FNDC3B: variants seen among roughly 807,000 people sequenced by gnomAD.
The protein encoded by FNDC3B is fibronectin type III domain containing 3B.
In FNDC3B, 12 loss-of-function variants were observed where a neutral mutation model predicts 151.5. That is an observed-to-expected ratio of 0.08 (90% CI 0.05 to 0.13). FNDC3B has a LOEUF of 0.13. FNDC3B is among the 10% of genes least tolerant of loss of function. FNDC3B has a pLI of 1.00. For missense variants in FNDC3B, 1,214 were observed against 1,505.3 expected, an observed-to-expected ratio of 0.81 and a Z score of 3.20; for synonymous variants, 528 against 549.0, an observed-to-expected ratio of 0.96 and a Z score of 0.54.
chr3:172,183,935 C>T (rs996825328), intron 3 of FNDC3B, among the ~76,000 whole-genome samples: 2 of 152,146 alleles, frequency 1.3e-5, no homozygotes, highest in African/African-American at 2.4e-5. Context: ...AACTTTTATT[C>T]ATTTTTACTC....
chr3:172,240,371 A>G (rs1034474571), intron 4 of FNDC3B, among the ~76,000 whole-genome samples: 6 of 152,188 alleles, frequency 3.9e-5, no homozygotes, highest in Non-Finnish European at 5.9e-5. Context: ...ATTTTGTTAC[A>G]TTATGTATCA....
intron 1 of FNDC3B, among the ~76,000 whole-genome samples, chr3:172,074,511 A>C (rs1326966297): frequency 6.6e-6 from 1 of 152,332 alleles, no homozygotes; most frequent in East Asian, 1.9e-4. Context: ...GTGCTTTTGC[A>C]TGTCAGCAGC....
At chr3:172,270,618 A>G (rs1046806645) in intron 6 of FNDC3B, among the ~76,000 whole-genome samples, 2 of 152,130 alleles carry the variant, frequency 1.3e-5, no homozygotes, top group African/African-American at 4.8e-5. Context: ...GCTTCTCTAC[A>G]TATTCTTCAT....
intron 6 of FNDC3B, among the ~76,000 whole-genome samples, chr3:172,279,338 A>G (rs1449341734): frequency 6.6e-5 from 10 of 152,314 alleles, no homozygotes; most frequent in African/African-American, 1.9e-4. Context: ...TCTCCTGTCC[A>G]GCTGGGCACA....
intron 3 of FNDC3B, among the ~76,000 whole-genome samples, chr3:172,181,303 A>C (rs959527933): frequency 2.1e-5 from 3 of 140,730 alleles, no homozygotes; most frequent in South Asian, 2.4e-4. Context: ...CTGAGGTGGG[A>C]GGATCACTGG....
intron 25 of FNDC3B, among the ~76,000 whole-genome samples, chr3:172,386,598 C>A (rs1011459725): frequency 2.0e-5 from 3 of 151,872 alleles, no homozygotes; most frequent in African/African-American, 7.3e-5. Flanking sequence ...AAAAATTAGC[C>A]AGGCATGTTG....
intron 19 of FNDC3B, among the ~76,000 whole-genome samples, chr3:172,345,467 GT>G (rs1386841701): frequency 6.6e-6 from 1 of 152,030 alleles, no homozygotes; most frequent in Non-Finnish European, 1.5e-5. Flanking sequence ...GTTTATTCCT[GT>G]TGTATTAGAA....
chr3:172,359,330 G>A (rs181754878), intron 22 of FNDC3B, among the ~76,000 whole-genome samples: 34 of 152,014 alleles, frequency 2.2e-4, no homozygotes, highest in African/African-American at 7.5e-4. Context: ...TTTCTTTTGT[G>A]TATTAAAGTA....
At chr3:172,272,807 A>C (rs1729262912) in intron 6 of FNDC3B, among the ~76,000 whole-genome samples, 1 of 152,188 alleles carries the variant, frequency 6.6e-6, no homozygotes, top group South Asian at 2.1e-4. Context: ...GTGTCTAAAA[A>C]TCAATCCTGG....
chr3:172,372,100 G>A (rs557013250), intron 23 of FNDC3B, among the ~76,000 whole-genome samples: 8 of 152,260 alleles, frequency 5.3e-5, no homozygotes, highest in South Asian at 2.1e-4. Flanking sequence ...GTTATAGAAC[G>A]CACCATTACC....
rs1239124800 is a variant in FNDC3B, at chr3:172,125,321, A to AAGCCCCAGTCCGGGTCACAGC, written c.112-8146_112-8126dup. Among the ~76,000 whole-genome samples, 432 of 152,222 alleles carry AAGCCCCAGTCCGGGTCACAGC rather than the reference A, an allele frequency of 2.8e-3. 1 individual carries two copies. Among genetic ancestry groups the AAGCCCCAGTCCGGGTCACAGC allele is most frequent in the African/African-American group, 9.8e-3 (407 of 41,494 alleles). On this transcript the variant is annotated intron_variant, in intron 2 of 25. Transcript: ENST00000415807. ...AAGGAGCTGGGAGTGAAATCTTCCG[A>AAGCCCCAGTCCGGGTCACAGC]AGCCCCAGTCCGGGTCACAGCAGCG...
intron 6 of FNDC3B, among the ~76,000 whole-genome samples, chr3:172,253,532 C>G (rs1012052347): frequency 6.6e-6 from 1 of 152,188 alleles, no homozygotes; most frequent in Non-Finnish European, 1.5e-5. Context: ...TTTACTGCGG[C>G]TGACATCTAA....
intron 6 of FNDC3B, among the ~76,000 whole-genome samples, chr3:172,279,484 G>A (rs991241454): frequency 2.0e-5 from 3 of 152,176 alleles, no homozygotes; most frequent in Non-Finnish European, 4.4e-5. Context: ...TTACCTGCCT[G>A]CTGCTTTCTT....
chr3:172,382,550 T>C (rs1004500931), intron 25 of FNDC3B, among the ~76,000 whole-genome samples: 1 of 152,264 alleles, frequency 6.6e-6, no homozygotes, highest in African/African-American at 2.4e-5. Flanking sequence ...CCCATGCCTA[T>C]GTTCCGAATG....
intron 19 of FNDC3B, 67 bp from the exon 20 acceptor site, chr3:172,346,260 T>G: frequency 1.2e-6 from 1 of 848,206 alleles, no homozygotes; most frequent in South Asian, 1.7e-5. Flanking sequence ...AGCTTTTGTA[T>G]GCACACACAT....
At chr3:172,351,975 C>T (rs746206503) in intron 21 of FNDC3B, among the ~76,000 whole-genome samples, 30 of 152,118 alleles carry the variant, frequency 2.0e-4, no homozygotes, top group South Asian at 2.1e-4. Context: ...GGGACTGGGC[C>T]ACCCATCCAA....
intron 23 of FNDC3B, among the ~76,000 whole-genome samples, chr3:172,363,618 C>A (rs1312214759): frequency 6.6e-6 from 1 of 152,202 alleles, no homozygotes; most frequent in African/African-American, 2.4e-5. Flanking sequence ...TGCTTACCTA[C>A]TGACACACAA....
At chr3:172,239,859 T>TC in intron 4 of FNDC3B, among the ~76,000 whole-genome samples, 2 of 47,968 alleles carry the variant, frequency 4.2e-5, no homozygotes, top group Non-Finnish European at 7.0e-5. Flanking sequence ...TTTAGTTCTT[T>TC]TTTTTTTTTT....
chr3:172,085,483 A>G (rs1272014121), intron 1 of FNDC3B, among the ~76,000 whole-genome samples: 1 of 152,194 alleles, frequency 6.6e-6, no homozygotes, highest in Non-Finnish European at 1.5e-5. Context: ...CTTGATACCG[A>G]AGCTGAGTTG....
Sources: gnomAD v4.1 joint callset for allele counts (sites outside exome capture counted in the v4.1 genomes callset) on GRCh38, gnomAD v4.1.1 for gene constraint, MANE v1.5 for transcripts, NCBI Gene and HGNC (gene_info 2026-07-23, HGNC 2026-07-21) for gene names.